NFATC1: variants seen among roughly 807,000 people sequenced by gnomAD.
NFATC1 encodes the protein nuclear factor of activated T cells 1.
Under a neutral mutation model 76.0 loss-of-function variants are expected in NFATC1, and 22 were observed. The ratio of observed to expected loss-of-function variants is 0.29; its 90% confidence interval spans 0.21 to 0.41. NFATC1 has a LOEUF of 0.41. Ranked by LOEUF, NFATC1 falls within the 10% of genes least tolerant of loss-of-function variation. The pLI, the probability that NFATC1 is intolerant of heterozygous loss-of-function variation, is 1.00. For missense variants in NFATC1, 1,357 were observed against 1,337.7 expected (o/e 1.01, Z -0.23); for synonymous variants, 704 against 613.1 (o/e 1.15, Z -2.19).
At chr18:79,508,345 C>T (rs1469616951) in intron 9 of NFATC1, among the ~76,000 whole-genome samples, 1 of 152,140 alleles carries the variant, frequency 6.6e-6, no homozygotes, top group Admixed American at 6.5e-5. Context: ...TGGCAGTTCG[C>T]TCGGCCTGAC....
chr18:79,470,098 G>A (rs9954601), intron 8 of NFATC1: 204,308 of 709,336 alleles, frequency 0.29, 33,069 homozygotes, highest in African/African-American at 0.62. Context: ...CGCCGAGGCC[G>A]CTCCAGGACC....
chr18:79,463,177 T>G (rs928032373), intron 7 of NFATC1, among the ~76,000 whole-genome samples: 1 of 152,192 alleles, frequency 6.6e-6, no homozygotes, highest in Non-Finnish European at 1.5e-5. Context: ...ACCTGCACCT[T>G]CAGTGGTGCT....
At chr18:79,448,459 T>G (rs2087311644) in intron 3 of NFATC1, 2 of 382,712 alleles carry the variant, frequency 5.2e-6, no homozygotes, top group Non-Finnish European at 9.5e-6. Flanking sequence ...GCCTTGCACA[T>G]GGCTCAGCGA....
At chr18:79,466,124 G>C (rs1364105685) in intron 7 of NFATC1, among the ~76,000 whole-genome samples, 1 of 152,222 alleles carries the variant, frequency 6.6e-6, no homozygotes, top group African/African-American at 2.4e-5. Context: ...CTCTGCATGG[G>C]TGTCTGGGCC....
rs564691330 is a variant in NFATC1 at position 79,451,820 on chromosome 18, T to C, written c.1903+4T>C. The C allele has an allele frequency of 8.7e-6, 14 of 1,605,424 alleles. No individual in the cohort carries two copies. In the South Asian group the frequency reaches 1.6e-4, roughly 18 times the overall value. On this transcript the variant is annotated splice_donor_region_variant and intron_variant, in intron 6 of 9. Transcript: ENST00000427363. Reference sequence around the variant, plus strand: ...ATTTTCGTGGAGAAAGCCCCAGGTATGCTCTTCACCAGGGGCCATCTGCGG... The same window carrying C: ...ATTTTCGTGGAGAAAGCCCCAGGTACGCTCTTCACCAGGGGCCATCTGCGG...
chr18:79,408,302 C>A (rs1407564112), intron 1 of NFATC1, among the ~76,000 whole-genome samples: 1 of 152,170 alleles, frequency 6.6e-6, no homozygotes, highest in Non-Finnish European at 1.5e-5. Flanking sequence ...TATAGAATTT[C>A]CATGTGCTTG....
chr18:79,468,088 C>T (rs1201591522), intron 8 of NFATC1: 65 of 737,354 alleles, frequency 8.8e-5, no homozygotes, highest in Non-Finnish European at 1.0e-4. Context: ...AACTTCATCT[C>T]CTGGGACCAC....
At chr18:79,504,481 C>T (rs8090984) in intron 9 of NFATC1, among the ~76,000 whole-genome samples, 3 of 152,156 alleles carry the variant, frequency 2.0e-5, no homozygotes, top group Non-Finnish European at 4.4e-5. Context: ...CTTAGATGGG[C>T]ACAGTTCGTG....
In NFATC1 at chr18:79,469,813, G is replaced by A. The variant is rs533226093; in HGVS notation, c.2092+2231G>A. 39 of 985,376 alleles carry A rather than the reference G, an allele frequency of 4.0e-5. No individual in the cohort carries two copies. The East Asian group carries it at 3.0e-3, about 75-fold the overall frequency. 61.0% of individuals were successfully genotyped at this position (985,376 alleles called of 1,614,324 possible). On this transcript the variant is annotated intron_variant, in intron 8 of 9. Coordinates refer to ENST00000427363, the MANE Select transcript of NFATC1 (RefSeq NM_001278669.2). ...CAGGTCCCCACAAGCACACTGACCA[G>A]CCCCACCAGCCCCCAGGGGCTCCCC...
At chr18:79,463,627 C>G (rs1008951786) in intron 7 of NFATC1, among the ~76,000 whole-genome samples, 1 of 152,252 alleles carries the variant, frequency 6.6e-6, no homozygotes, top group African/African-American at 2.4e-5. Context: ...TCCCCACCTA[C>G]TGGGTGTCTG....
rs983927958 is a variant in NFATC1 at position 79,524,901 on chromosome 18, G to A, written c.2783-2627G>A. ...CGCGGGGAACAAGACGGCTCTCGGC[G>A]GCCATGCAGGCGGCCTGTCCCACGA... On this transcript the variant is annotated intron_variant, in intron 9 of 9. Transcript: ENST00000427363. This position sits in a 1 kb window ranked among gnomAD's most constrained non-coding sequence, Gnocchi z 7.2. 4.6e-5 allele frequency among the ~76,000 whole-genome samples: 7 copies of A among 151,958 alleles called. No homozygotes were observed. The highest frequency in any genetic ancestry group is 7.4e-5 in the Non-Finnish European group (5 of 67,966).
chr18:79,435,675 T>A (rs1185185169), intron 3 of NFATC1, among the ~76,000 whole-genome samples: 1 of 152,210 alleles, frequency 6.6e-6, no homozygotes, highest in Non-Finnish European at 1.5e-5. Flanking sequence ...CAGAAATCTA[T>A]CAATACAGAT....
chr18:79,475,646 C>T (rs1293973725), intron 8 of NFATC1, among the ~76,000 whole-genome samples: 1 of 152,256 alleles, frequency 6.6e-6, no homozygotes, highest in Non-Finnish European at 1.5e-5. Flanking sequence ...CGCTCACTGT[C>T]AACGTTGTAA....
chr18:79,396,518 C>A (rs1363728708), intron 1 of NFATC1, among the ~76,000 whole-genome samples, 167 bp downstream of exon 1: 1 of 151,976 alleles, frequency 6.6e-6, no homozygotes, highest in Non-Finnish European at 1.5e-5. Flanking sequence ...GGAACGGCGT[C>A]CCCCAGCTCC....
rs189818533 is a variant in NFATC1 at position 79,403,001 on chromosome 18, T to G, written c.127+6650T>G. On this transcript the variant is annotated intron_variant, in intron 1 of 9. Transcript: ENST00000427363. Reference sequence around the variant, plus strand: ...TAGACTAAGCACAGAAAGTCAAGCTTTGTTGTAAAGGACGTGGCCGGCCCT... The same window carrying G: ...TAGACTAAGCACAGAAAGTCAAGCTGTGTTGTAAAGGACGTGGCCGGCCCT... Among the ~76,000 whole-genome samples, 117 of 152,308 alleles carry G rather than the reference T, an allele frequency of 7.7e-4. 1 individual carries two copies. Among genetic ancestry groups the G allele is most frequent in the Admixed American group, 2.0e-4 (3 of 15,302 alleles).
Position 79,411,351 on chromosome 18 carries a change from G to GC in NFATC1, c.1082dup (p.Pro362AlafsTer66). ...GAGCCCGTCGGGGAGGACCTGGGCA[G>GC]CCCCCCGCCCCCGGCCGACTTCGCG... is the stretch of plus-strand genomic sequence containing the variant. On this transcript the variant is annotated frameshift_variant, in exon 2 of 10. Coordinates refer to ENST00000427363, the MANE Select transcript of NFATC1 (RefSeq NM_001278669.2). LOFTEE classifies it high-confidence loss of function. 3 of 1,590,242 alleles carry GC rather than the reference G, an allele frequency of 1.9e-6. No homozygotes were observed. The highest frequency in any genetic ancestry group is 8.5e-7 in the Non-Finnish European group (1 of 1,170,916).
intron 1 of NFATC1, among the ~76,000 whole-genome samples, chr18:79,399,559 C>T (rs1463895915): frequency 6.6e-6 from 1 of 152,268 alleles, no homozygotes; most frequent in Admixed American, 6.5e-5. Flanking sequence ...AGCTAAGCAG[C>T]CCGGCTTTCC....
chr18:79,451,143 G>T lies in NFATC1; in HGVS notation c.1762+17G>T. The T allele has an allele frequency of 6.3e-6, 10 of 1,599,352 alleles. No individual in the cohort carries two copies. Among genetic ancestry groups the T allele is most frequent in the Admixed American group, 1.7e-5 (1 of 59,190 alleles). On this transcript the variant is annotated intron_variant, in intron 5 of 9. Coordinates refer to ENST00000427363, the MANE Select transcript of NFATC1 (RefSeq NM_001278669.2). ...TCGAATGCTGTAAGTGGACGTCCAC[G>T]CGCCCACAGGGGAGGAAACCGTCCC...
At chr18:79,469,634 G>A in intron 8 of NFATC1, 1 of 985,896 alleles carries the variant, frequency 1.0e-6, no homozygotes, top group Non-Finnish European at 1.2e-6. Flanking sequence ...TGTCTCGGCT[G>A]CACCCTCCAC....
Sources: gnomAD v4.1 joint callset for allele counts (sites outside exome capture counted in the v4.1 genomes callset) on GRCh38, gnomAD v4.1.1 for gene constraint, Gnocchi (gnomAD v3.1) non-coding constraint, MANE v1.5 for transcripts, NCBI Gene and HGNC (gene_info 2026-07-23, HGNC 2026-07-21) for gene names.